Variants in TBX4 observed in about 807,000 individuals in gnomAD.
TBX4 encodes T-box transcription factor TBX4.
A neutral mutation model predicts 54.6 loss-of-function variants in TBX4; 13 were observed. That is an observed-to-expected ratio of 0.24 (90% CI 0.15 to 0.38). TBX4 has a LOEUF of 0.38. TBX4 is among the 10% of genes least tolerant of loss of function. The pLI is 1.00. For missense variants in TBX4, 631 were observed against 728.5 expected (o/e 0.87, Z 1.54); for synonymous variants, 314 against 306.7 (o/e 1.02, Z -0.25).
Position 61,457,700 on chromosome 17 carries a change from A to G in TBX4, c.281+69A>G. 6.8e-7 allele frequency: 1 copy of G among 1,479,112 alleles called. No homozygotes were observed. The highest frequency in any genetic ancestry group is 1.2e-5 in the South Asian group (1 of 86,580). 91.6% of individuals were successfully genotyped at this position (1,479,112 alleles called of 1,614,324 possible). ...AAGGGGGGCCAGGGAGGTCCCTTAGAAGTCCTCTCGGCCCCGGCCTGGTGG... is the reference window on the plus strand; with the variant it reads ...AAGGGGGGCCAGGGAGGTCCCTTAGGAGTCCTCTCGGCCCCGGCCTGGTGG... On this transcript the variant is annotated intron_variant, in intron 3 of 8. Transcript: ENST00000644296. The surrounding 1 kb of genome is among the most constrained non-coding windows in gnomAD (Gnocchi z 8.2).
At chr17:61,467,108 A>C (rs2060542515) in intron 4 of TBX4, among the ~76,000 whole-genome samples, 1 of 152,182 alleles carries the variant, frequency 6.6e-6, no homozygotes, top group Admixed American at 6.5e-5. Flanking sequence ...GCAGGGAGCT[A>C]TGATCATACC....
Position 61,465,382 on chromosome 17 carries a change from A to T in TBX4, c.282-437A>T, listed in dbSNP as rs1465406949. On this transcript the variant is annotated intron_variant, in intron 3 of 8. Coordinates refer to ENST00000644296, the MANE Select transcript of TBX4 (RefSeq NM_001321120.2). This position sits in a 1 kb window ranked among gnomAD's most constrained non-coding sequence, Gnocchi z 4.9. ...TGACGGGGGTTTCCGTCCCCCTATA[A>T]CTGCACCCCAGAACTTCACTTGTGT... Among the ~76,000 whole-genome samples the T allele has an allele frequency of 6.6e-6, 1 of 152,168 alleles. No individual in the cohort carries two copies.
Position 61,461,263 on chromosome 17 carries a change from GA to G in TBX4, c.281+3636del, listed in dbSNP as rs1406448776. 6.6e-6 allele frequency among the ~76,000 whole-genome samples: 1 copy of G among 152,186 alleles called. No homozygotes were observed. Among genetic ancestry groups the G allele is most frequent in the African/African-American group, 2.4e-5 (1 of 41,432 alleles). ...TCTTAAATATGCTTTGGGTGAATTA[GA>G]AAACTGTGTGTGTATGCCTCTATGT... On this transcript the variant is annotated intron_variant, in intron 3 of 8. Coordinates refer to ENST00000644296, the MANE Select transcript of TBX4 (RefSeq NM_001321120.2). The surrounding 1 kb of genome is among the most constrained non-coding windows in gnomAD (Gnocchi z 5.1).
Position 61,465,764 on chromosome 17 carries a change from C to CCAT in TBX4, c.282-53_282-51dup. 6.2e-7 allele frequency: 1 copy of CCAT among 1,611,146 alleles called. No individual in the cohort carries two copies. Among genetic ancestry groups the CCAT allele is most frequent in the Non-Finnish European group, 8.5e-7 (1 of 1,178,276 alleles). ...CTTCTGCCCCCTTGCTCACTCTGTT[C>CCAT]CATCTCTCCTGGTGCTCTGTCCACA... On this transcript the variant is annotated intron_variant, in intron 3 of 8. Transcript: ENST00000644296. The surrounding 1 kb of genome is among the most constrained non-coding windows in gnomAD (Gnocchi z 4.9).
rs1432585377 is a variant in TBX4 at position 61,481,063 on chromosome 17, C to A, written c.1021+744C>A. Among the ~76,000 whole-genome samples the A allele has an allele frequency of 6.6e-6, 1 of 152,182 alleles. No individual in the cohort carries two copies. Among genetic ancestry groups the A allele is most frequent in the Non-Finnish European group, 1.5e-5 (1 of 68,032 alleles). On this transcript the variant is annotated intron_variant, in intron 8 of 8. Transcript: ENST00000644296. This position sits in a 1 kb window ranked among gnomAD's most constrained non-coding sequence, Gnocchi z 4.8. ...CTTGCCTTCCGGAATGTTCCCTCAG[C>A]CCTGGTCCTAGGGACTAGCCCAGCA...
rs767623150 is a variant in TBX4 at position 61,483,176 on chromosome 17, C to T, written c.1301C>T (p.Thr434Met). ...VSPYTSYSVQ[T>M]METVPYQPFP... ...CCGTACACCAGCTATAGCGTGCAGACGATGGAGACTGTGCCGTACCAGCCC... is the reference window on the plus strand; with the variant it reads ...CCGTACACCAGCTATAGCGTGCAGATGATGGAGACTGTGCCGTACCAGCCC... The change falls in exon 9 of 9, where the codon ACG becomes ATG. Residue 434 changes from threonine to methionine, a missense_variant. Transcript: ENST00000644296. This position sits in a 1 kb window ranked among gnomAD's most constrained non-coding sequence, Gnocchi z 6.6. The T allele has an allele frequency of 6.2e-6, 10 of 1,614,048 alleles. No homozygotes were observed. Among genetic ancestry groups the T allele is most frequent in the African/African-American group, 2.7e-5 (2 of 74,908 alleles).
intron 5 of TBX4, among the ~76,000 whole-genome samples, chr17:61,469,022 C>T (rs566222295): frequency 1.3e-5 from 2 of 152,320 alleles, no homozygotes; most frequent in Admixed American, 6.5e-5. Flanking sequence ...ACACACAGAC[C>T]CCATGGGGGG....
Position 61,480,232 on chromosome 17 carries a change from C to A in TBX4, c.934C>A (p.Gln312Lys). Reference protein sequence around the residue: ...HYQHENGAHSQLAEPQDLPLS... With the variant: ...HYQHENGAHSKLAEPQDLPLS... Reference sequence around the variant, plus strand: ...CCAGCACGAGAACGGGGCACACTCACAGCTCGCGGAGCCGCAGGACCTGCC... The same window carrying A: ...CCAGCACGAGAACGGGGCACACTCAAAGCTCGCGGAGCCGCAGGACCTGCC... The change falls in exon 8 of 9, where the codon CAG (glutamine) becomes AAG (lysine). Residue 312 changes from glutamine (Q) to lysine (K), a missense_variant. Gln to Lys is a moderately conservative substitution (Grantham distance 53). This residue lies in a region of TBX4 where 354 missense variants were observed against 368.9 expected (regional missense o/e 0.96). Transcript: ENST00000644296. This position sits in a 1 kb window ranked among gnomAD's most constrained non-coding sequence, Gnocchi z 6.2. 3 of 1,614,168 alleles carry A rather than the reference C, an allele frequency of 1.9e-6. No individual in the cohort carries two copies. The highest frequency in any genetic ancestry group is 2.5e-6 in the Non-Finnish European group (3 of 1,180,022).
At chr17:61,469,111 A>G (rs1223716429) in intron 5 of TBX4, among the ~76,000 whole-genome samples, 1 of 152,198 alleles carries the variant, frequency 6.6e-6, no homozygotes. Flanking sequence ...AGGATTTTGG[A>G]TGAGCCAGCT....
intron 8 of TBX4, among the ~76,000 whole-genome samples, chr17:61,482,612 C>G (rs1046422344): frequency 1.3e-5 from 2 of 152,224 alleles, no homozygotes; most frequent in Admixed American, 1.3e-4. Flanking sequence ...AAGAGTCAGG[C>G]TGGCGAAGGA....
In TBX4 at chr17:61,482,888, G is replaced by GTCTT. The variant is rs2060674352; in HGVS notation, c.1022-6_1022-3dup. 1 of 1,613,084 alleles carries GTCTT rather than the reference G, an allele frequency of 6.2e-7. No homozygotes were observed. The highest frequency in any genetic ancestry group is 1.7e-5 in the Admixed American group (1 of 59,994). ...AATGGTTCTTCCTGAATGTTACTTT[G>GTCTT]TCTTTCAGCAGACGGTACCCGCCAC... On this transcript the variant is annotated splice_polypyrimidine_tract_variant and intron_variant, in intron 8 of 8. Transcript: ENST00000644296.
chr17:61,453,947 G>C (rs1015800147), intron 1 of TBX4, among the ~76,000 whole-genome samples: 2 of 152,190 alleles, frequency 1.3e-5, no homozygotes, highest in African/African-American at 4.8e-5. Context: ...CAACGGAAAC[G>C]TATTAGGGAT....
intron 5 of TBX4, among the ~76,000 whole-genome samples, chr17:61,473,474 C>T (rs928663135): frequency 3.9e-5 from 6 of 152,210 alleles, no homozygotes; most frequent in African/African-American, 1.4e-4. Context: ...CTGCCAGGGG[C>T]AGATGTCCCC....
At position 61,472,372 on chromosome 17, in the gene TBX4, A is replaced by G. The variant is rs1040991340; in HGVS notation, c.549+4715A>G. Among the ~76,000 whole-genome samples the G allele has an allele frequency of 6.6e-6, 1 of 152,214 alleles. No individual in the cohort carries two copies. Among genetic ancestry groups the G allele is most frequent in the African/African-American group, 2.4e-5 (1 of 41,458 alleles). On this transcript the variant is annotated intron_variant, in intron 5 of 8. Transcript: ENST00000644296. This position sits in a 1 kb window ranked among gnomAD's most constrained non-coding sequence, Gnocchi z 4.5. ...CAGGTGAAATGTGGATATCAGTGTT[A>G]GCTTTAATTTGCATTTCCTTTATTA...
chr17:61,477,092 C>A (rs898710882), intron 5 of TBX4, among the ~76,000 whole-genome samples: 2 of 152,204 alleles, frequency 1.3e-5, no homozygotes, highest in African/African-American at 2.4e-5. Flanking sequence ...CAACGACCAA[C>A]CCAAGGAAAG....
Position 61,484,722 on chromosome 17 carries a change from T to C in TBX4, c.*1206T>C, listed in dbSNP as rs1017010034. ...GGAAATCACTAAACTCTTTGCATGC[T>C]GAATAGCTATTTATATATTATATAA... On this transcript the variant is annotated 3_prime_UTR_variant, in exon 9 of 9. Coordinates refer to ENST00000644296, the MANE Select transcript of TBX4 (RefSeq NM_001321120.2). The surrounding 1 kb of genome is among the most constrained non-coding windows in gnomAD (Gnocchi z 4.1). 3 of 149,530 alleles carry C rather than the reference T, an allele frequency of 2.0e-5. No homozygotes were observed. Among genetic ancestry groups the C allele is most frequent in the Admixed American group, 1.3e-4 (2 of 14,912 alleles). The allele number at this position is 149,530 out of a possible 1,614,324, so 9.3% of individuals were successfully genotyped here. A position where few individuals can be genotyped will look rare whatever the true frequency, so the allele number is the denominator to read the frequency against.
In TBX4 at chr17:61,479,311, C is replaced by A. The variant is rs2143859100; in HGVS notation, c.702+532C>A. On this transcript the variant is annotated intron_variant, in intron 6 of 8. Coordinates refer to ENST00000644296, the MANE Select transcript of TBX4 (RefSeq NM_001321120.2). This position sits in a 1 kb window ranked among gnomAD's most constrained non-coding sequence, Gnocchi z 6.1. ...CCCACTGCATCCCAGTCACTGACAG[C>A]CGTGCTCTGCCGCCCGTCTGCTTTC... is the stretch of plus-strand genomic sequence containing the variant. Among the ~76,000 whole-genome samples the A allele has an allele frequency of 6.6e-6, 1 of 152,316 alleles. No individual in the cohort carries two copies. Among genetic ancestry groups the A allele is most frequent in the African/African-American group, 2.4e-5 (1 of 41,564 alleles).
At chr17:61,470,376 T>C (rs908777619) in intron 5 of TBX4, among the ~76,000 whole-genome samples, 4 of 152,262 alleles carry the variant, frequency 2.6e-5, no homozygotes, top group African/African-American at 9.6e-5. Flanking sequence ...CCATGAATGC[T>C]GCTCTTCTCT....
intron 1 of TBX4, among the ~76,000 whole-genome samples, chr17:61,456,267 G>A (rs2060448080): frequency 6.6e-6 from 1 of 152,196 alleles, no homozygotes; most frequent in African/African-American, 2.4e-5. Flanking sequence ...GGCAGACATT[G>A]AACTGCCGCA....
Sources: allele counts gnomAD v4.1 joint callset (sites outside exome capture counted in the v4.1 genomes callset), GRCh38; gene constraint gnomAD v4.1.1; regional missense constraint gnomAD v4.1.1; non-coding constraint Gnocchi (gnomAD v3.1); transcripts MANE v1.5; gene names NCBI Gene and HGNC (gene_info 2026-07-23, HGNC 2026-07-21).